Variants in TEX11 observed in about 807,000 individuals in gnomAD.
TEX11 encodes the protein testis expressed 11.
Under a neutral mutation model 84.4 loss-of-function variants are expected in TEX11, and 7 were observed. The ratio of observed to expected loss-of-function variants is 0.08; its 90% confidence interval spans 0.05 to 0.16. The LOEUF is 0.16. Among genes scored for constraint, TEX11 ranks in the 10% least tolerant of loss-of-function variants. The pLI, the probability that TEX11 is intolerant of heterozygous loss-of-function variation, is 1.00. For synonymous variants in TEX11, 264 were observed against 222.8 expected, an observed-to-expected ratio of 1.18 and a Z score of -1.64; for missense variants, 551 against 660.5, an observed-to-expected ratio of 0.83 and a Z score of 1.82.
rs777688216 is a variant in TEX11 at position 70,785,673 on chromosome X, C to T, written c.692+21032G>A. 4.5e-5 allele frequency among the ~76,000 whole-genome samples: 5 copies of T among 112,272 alleles called. No homozygotes were observed. The South Asian group carries it at 1.1e-3, about 25-fold the overall frequency. ...AGTGGGTGAAGGATATGAACAGACA[C>T]TTCTCAAAAGAAAACATTTATGCAG... On this transcript the variant is annotated intron_variant, in intron 9 of 29. Coordinates refer to ENST00000374333, the MANE Select transcript of TEX11 (RefSeq NM_031276.3).
intron 20 of TEX11, among the ~76,000 whole-genome samples, chrX:70,611,316 GGA>G (rs1257567191): frequency 1.8e-5 from 2 of 111,833 alleles, no homozygotes; most frequent in Non-Finnish European, 3.8e-5. Context: ...CACAAAAATT[GGA>G]GAGAAGGGCG....
chrX:70,890,651 G>A (rs1036490932), intron 2 of TEX11, among the ~76,000 whole-genome samples: 1 of 112,420 alleles, frequency 8.9e-6, no homozygotes, highest in Non-Finnish European at 1.9e-5. Flanking sequence ...CTAGCAGGGG[G>A]AGGGGGGTCT....
At chrX:70,742,492 G>T (rs998239421) in intron 10 of TEX11, among the ~76,000 whole-genome samples, 4 of 109,669 alleles carry the variant, frequency 3.6e-5, no homozygotes, top group Non-Finnish European at 5.7e-5. Flanking sequence ...ACCTTGGGAG[G>T]CCAAGGTGGG....
In TEX11 at chrX:70,906,554, G is replaced by A. The variant is rs749908536; in HGVS notation, c.37+1199C>T. Among the ~76,000 whole-genome samples, 4 of 111,233 alleles carry A rather than the reference G, an allele frequency of 3.6e-5. No individual in the cohort carries two copies. In the South Asian group the frequency reaches 1.1e-3, roughly 32 times the overall value. On this transcript the variant is annotated intron_variant, in intron 2 of 29. Transcript: ENST00000374333. ...TGTAATCCCAGCACTTTGGGAGGCC[G>A]AGGCAGGTGTATCAACTGAAGTCAG...
At chrX:70,534,671 T>A (rs1200503316) in intron 28 of TEX11, among the ~76,000 whole-genome samples, 1 of 111,666 alleles carries the variant, frequency 9.0e-6, no homozygotes, top group Non-Finnish European at 1.9e-5. Flanking sequence ...GCCACGTAGA[T>A]CTCTAACTGA....
At chrX:70,778,100 T>C (rs913497447) in intron 9 of TEX11, among the ~76,000 whole-genome samples, 8 of 111,729 alleles carry the variant, frequency 7.2e-5, no homozygotes, top group Non-Finnish European at 1.1e-4. Context: ...TTGGGTATAC[T>C]TATATCAGAA....
In TEX11 at chrX:70,540,550, A is replaced by G. The variant is rs756662653; in HGVS notation, c.2521-10551T>C. ...TGTTTGTTGTCTGAAAGAGATAGAC[A>G]CTTTTGCTTGTTTATGGAGATATAA... On this transcript the variant is annotated intron_variant, in intron 28 of 29. Transcript: ENST00000374333. 6.3e-5 allele frequency among the ~76,000 whole-genome samples: 7 copies of G among 111,880 alleles called. No homozygotes were observed. In the East Asian group the frequency reaches 1.7e-3, roughly 27 times the overall value.
intron 9 of TEX11, among the ~76,000 whole-genome samples, chrX:70,776,255 A>G (rs1602117867): frequency 9.0e-6 from 1 of 111,144 alleles, no homozygotes; most frequent in South Asian, 3.8e-4. Context: ...TGTGGTACAT[A>G]TACACAACAG....
At chrX:70,873,870 GATTT>G (rs1459394210) in intron 3 of TEX11, among the ~76,000 whole-genome samples, 1 of 111,533 alleles carries the variant, frequency 9.0e-6, no homozygotes, top group Non-Finnish European at 1.9e-5. Flanking sequence ...TTAAACAGAT[GATTT>G]ATTTAACATG....
chrX:70,554,936 G>T, intron 25 of TEX11, 136 bp from the exon 26 acceptor site: 1 of 519,426 alleles, frequency 1.9e-6, no homozygotes. Flanking sequence ...CATCTTCACT[G>T]CTGTAGACAG....
chrX:70,835,434 T>G (rs1480903735), intron 7 of TEX11, among the ~76,000 whole-genome samples: 1 of 112,079 alleles, frequency 8.9e-6, no homozygotes, highest in Non-Finnish European at 1.9e-5. Context: ...GTAAAAGAAG[T>G]CTTAAAGAAG....
intron 28 of TEX11, among the ~76,000 whole-genome samples, chrX:70,539,711 A>G (rs1284643188): frequency 8.9e-6 from 1 of 111,764 alleles, no homozygotes; most frequent in Admixed American, 9.6e-5. Flanking sequence ...CTGCTAAATA[A>G]AACTAACTCT....
At position 70,561,680 on chromosome X, in the gene TEX11, C is replaced by G. The variant is rs184991366; in HGVS notation, c.2141-6880G>C. Reference sequence around the variant, plus strand: ...AGATTACAGGTGTGAGCCACCGTGCCCAGCCCAAATTTACTTATTTTTAAA... The same window carrying G: ...AGATTACAGGTGTGAGCCACCGTGCGCAGCCCAAATTTACTTATTTTTAAA... On this transcript the variant is annotated intron_variant, in intron 25 of 29. Coordinates refer to ENST00000374333, the MANE Select transcript of TEX11 (RefSeq NM_031276.3). Among the ~76,000 whole-genome samples the G allele has an allele frequency of 2.3e-3, 254 of 110,697 alleles. 3 individuals are homozygous for G. Among genetic ancestry groups the G allele is most frequent in the Non-Finnish European group, 7.7e-4 (41 of 52,962 alleles).
At chrX:70,871,989 TAA>T (rs747656753) in intron 4 of TEX11, among the ~76,000 whole-genome samples, 2 of 92,663 alleles carry the variant, frequency 2.2e-5, no homozygotes, top group Non-Finnish European at 4.3e-5. Context: ...TGCCGTCCCT[TAA>T]AAAAAAAAAA....
intron 28 of TEX11, among the ~76,000 whole-genome samples, chrX:70,544,584 A>G (rs749899060): frequency 1.8e-5 from 2 of 110,237 alleles, no homozygotes; most frequent in Non-Finnish European, 3.8e-5. Context: ...TATAAACTGT[A>G]ATCCCAGCAC....
At chrX:70,585,672 T>C (rs1388784185) in intron 25 of TEX11, among the ~76,000 whole-genome samples, 1 of 112,070 alleles carries the variant, frequency 8.9e-6, no homozygotes, top group Non-Finnish European at 1.9e-5. Flanking sequence ...ACCAATAGAA[T>C]AGAACTGAGA....
intron 13 of TEX11, among the ~76,000 whole-genome samples, chrX:70,695,546 T>C (rs1421434516): frequency 3.6e-5 from 4 of 112,192 alleles, no homozygotes; most frequent in African/African-American, 1.3e-4. Flanking sequence ...ATTGCGATAA[T>C]GGGTTCATAA....
chrX:70,669,027 G>A (rs147825473), intron 16 of TEX11, among the ~76,000 whole-genome samples: 324 of 112,043 alleles, frequency 2.9e-3, no homozygotes, highest in Non-Finnish European at 5.2e-3. Flanking sequence ...CCTGACTTAC[G>A]GACTATTTCC....
chrX:70,653,620 G>T (rs1007697639), intron 16 of TEX11, among the ~76,000 whole-genome samples: 3 of 111,953 alleles, frequency 2.7e-5, no homozygotes, highest in Admixed American at 9.5e-5. Flanking sequence ...AGCCAACTTG[G>T]AAGACAGTTT....
Sources: gnomAD v4.1 joint callset for allele counts (sites outside exome capture counted in the v4.1 genomes callset) on GRCh38, gnomAD v4.1.1 for gene constraint, MANE v1.5 for transcripts, NCBI Gene and HGNC (gene_info 2026-07-23, HGNC 2026-07-21) for gene names.